The following ZFPM1 variants were observed in gnomAD, a reference collection of about 807,000 sequenced individuals.
The protein encoded by ZFPM1 is zinc finger protein, FOG family member 1, also known as zinc finger protein ZFPM1.
ZFPM1 carries 28 observed loss-of-function variants against 46.3 expected under a neutral mutation model. The observed-to-expected ratio is 0.60, with a 90% CI of 0.45 to 0.83. The LOEUF (loss-of-function observed/expected upper bound fraction) is 0.83. Among genes scored for constraint, ZFPM1 ranks in the 40% least tolerant of loss-of-function variants. The pLI is 0.00. For missense variants in ZFPM1, 1,878 were observed against 1,432.4 expected (o/e 1.31, Z -5.02); for synonymous variants, 957 against 675.9 (o/e 1.42, Z -6.45).
intron 3 of ZFPM1, among the ~76,000 whole-genome samples, chr16:88,511,385 TG>T (rs1264599492): frequency 6.6e-6 from 1 of 152,050 alleles, no homozygotes; most frequent in African/African-American, 2.4e-5. Context: ...GGCTTCCTGG[TG>T]GTGGGGTTGG....
At position 88,534,721 on chromosome 16, in the gene ZFPM1, C is replaced by A. The variant is rs1187693974; in HGVS notation, c.2763C>A (p.Leu921=). 6 of 980,428 alleles carry A rather than the reference C, an allele frequency of 6.1e-6. No individual in the cohort carries two copies. The highest frequency in any genetic ancestry group is 7.3e-6 in the Non-Finnish European group (6 of 827,124). The allele number at this position is 980,428 out of a possible 1,614,324, so 60.7% of individuals were successfully genotyped here. The change falls in exon 10 of 10, where the codon CTC becomes CTA. Residue 921 remains leucine, a synonymous_variant. Transcript: ENST00000319555. ...GGTCCCGTGGCCCCCGGGACGGCCT[C>A]GGCCCGGAGCCCCAGGAGCCGCCGC... ...QPGSRGPRDG[L]GPEPQEPPPG... is the part of the protein sequence containing the mutation.
intron 1 of ZFPM1, among the ~76,000 whole-genome samples, chr16:88,470,552 C>T (rs970146606): frequency 4.4e-5 from 6 of 137,902 alleles, no homozygotes; most frequent in Non-Finnish European, 6.2e-5. Context: ...CGGGTGGTGA[C>T]GCTGAGTGAC....
intron 1 of ZFPM1, among the ~76,000 whole-genome samples, chr16:88,477,278 G>A (rs112911098): frequency 4.9e-4 from 75 of 152,358 alleles, no homozygotes; most frequent in African/African-American, 1.7e-3. Context: ...AGAAGGGCAC[G>A]GGGAAGGTGG....
chr16:88,515,113 G>A (rs1911216408), intron 4 of ZFPM1, among the ~76,000 whole-genome samples: 1 of 152,218 alleles, frequency 6.6e-6, no homozygotes, highest in Non-Finnish European at 1.5e-5. Flanking sequence ...AGTCAGTTCG[G>A]TTTCCTCCGA....
rs1913180916 is a variant in ZFPM1, at chr16:88,535,038, C to T, written c.*59C>T. The T allele has an allele frequency of 7.4e-7, 1 of 1,350,538 alleles. No individual in the cohort carries two copies. Among genetic ancestry groups the T allele is most frequent in the Admixed American group, 2.8e-5 (1 of 35,504 alleles). The allele number at this position is 1,350,538 out of a possible 1,614,324, so 83.7% of individuals were successfully genotyped here. ...CCCCGCTGCGATGCGGGGAGGGGGC[C>T]GCCCCCAGGCCGCACGGACTGCCGC... is the stretch of plus-strand genomic sequence containing the variant. On this transcript the variant is annotated 3_prime_UTR_variant, in exon 10 of 10. Transcript: ENST00000319555.
At position 88,488,115 on chromosome 16, in the gene ZFPM1, G is replaced by A. The variant is rs373071187; in HGVS notation, c.146-916G>A. 1.2e-3 allele frequency among the ~76,000 whole-genome samples: 186 copies of A among 152,328 alleles called. 1 individual carries two copies. The East Asian group carries it at 0.017, about 14-fold the overall frequency. On this transcript the variant is annotated intron_variant, in intron 2 of 9. Coordinates refer to ENST00000319555, the MANE Select transcript of ZFPM1 (RefSeq NM_153813.3). ...AGCACGTGTAGCACATGTGGACTCC[G>A]AGGCCCTTGGCTGTCACCGCCGCCA... is the stretch of plus-strand genomic sequence containing the variant.
chr16:88,475,516 G>GGT (rs1555523501), intron 1 of ZFPM1, among the ~76,000 whole-genome samples: 1 of 151,978 alleles, frequency 6.6e-6, no homozygotes, highest in African/African-American at 2.4e-5. Context: ...AGGGGTCCGG[G>GGT]GGGGGGAGCA....
chr16:88,475,520 G>A (rs571443062), intron 1 of ZFPM1, among the ~76,000 whole-genome samples: 1 of 152,144 alleles, frequency 6.6e-6, no homozygotes, highest in South Asian at 2.1e-4. Context: ...GTCCGGGGGG[G>A]GGAGCACAGC....
intron 1 of ZFPM1, among the ~76,000 whole-genome samples, chr16:88,454,408 A>G (rs1282900646): frequency 3.9e-5 from 6 of 152,148 alleles, no homozygotes; most frequent in Non-Finnish European, 8.8e-5. Context: ...TGTCCCAGCC[A>G]AGGCGGCATG....
At chr16:88,479,176 G>A (rs1456351724) in intron 1 of ZFPM1, among the ~76,000 whole-genome samples, 1 of 152,190 alleles carries the variant, frequency 6.6e-6, no homozygotes, top group African/African-American at 2.4e-5. Flanking sequence ...TGAGTCCCGA[G>A]TCCCAACCGC....
chr16:88,519,517 T>C (rs1312701411), intron 4 of ZFPM1, among the ~76,000 whole-genome samples: 2 of 148,152 alleles, frequency 1.3e-5, no homozygotes, highest in African/African-American at 5.0e-5. Flanking sequence ...GGTAGATAGA[T>C]GAATGGATGA....
Position 88,534,772 on chromosome 16 carries a change from C to G in ZFPM1, c.2814C>G (p.Ala938=). ...CCGGCCCGCCCCCGTCCCCGGCCGC[C>G]GCGCCCGAGGCCGTGCCGCCCCCGC... ...PPPGPPPSPA[A]APEAVPPPPA... is the part of the protein sequence containing the mutation. The change falls in exon 10 of 10, where the codon GCC becomes GCG. Residue 938 remains alanine (A), a synonymous_variant. Coordinates refer to ENST00000319555, the MANE Select transcript of ZFPM1 (RefSeq NM_153813.3). The G allele has an allele frequency of 6.7e-6, 8 of 1,189,932 alleles. No homozygotes were observed. The highest frequency in any genetic ancestry group is 8.3e-6 in the Non-Finnish European group (8 of 959,860). 73.7% of individuals were successfully genotyped at this position (1,189,932 alleles called of 1,614,324 possible).
rs549857267 is a variant in ZFPM1 at position 88,501,294 on chromosome 16, C to G, written c.268+12141C>G. 3.9e-4 allele frequency among the ~76,000 whole-genome samples: 49 copies of G among 127,030 alleles called. 3 individuals are homozygous for G. The highest frequency in any genetic ancestry group is 1.4e-3 in the African/African-American group (46 of 33,140). The allele number at this position is 127,030 out of a possible 152,430, so 83.3% of individuals were successfully genotyped here. A position where few individuals can be genotyped will look rare whatever the true frequency, so the allele number is the denominator to read the frequency against. Reference sequence around the variant, plus strand: ...AGTGGGCCTGGGTGCGGGGGCCCTCCCGCAGGTGCTGGTGATGATGGAGAT... The same window carrying G: ...AGTGGGCCTGGGTGCGGGGGCCCTCGCGCAGGTGCTGGTGATGATGGAGAT... On this transcript the variant is annotated intron_variant, in intron 3 of 9. Transcript: ENST00000319555.
In ZFPM1 at chr16:88,502,063, CCCATT is replaced by C. The variant is rs1399116574; in HGVS notation, c.269-12323_269-12319del. 1.6e-5 allele frequency among the ~76,000 whole-genome samples: 2 copies of C among 127,990 alleles called. 1 individual carries two copies. The highest frequency in any genetic ancestry group is 3.4e-5 in the Non-Finnish European group (2 of 59,148). The allele number at this position is 127,990 out of a possible 152,430, so 84.0% of individuals were successfully genotyped here. On this transcript the variant is annotated intron_variant, in intron 3 of 9. Transcript: ENST00000319555. ...CCCGACGCGGCTCCACCCGCCCCCC[CCCATT>C]TATTTATTTATTTATTTATTTATTT...
At chr16:88,531,771 C>A (rs1277261175) in intron 6 of ZFPM1, among the ~76,000 whole-genome samples, 3 of 152,210 alleles carry the variant, frequency 2.0e-5, no homozygotes, top group Non-Finnish European at 4.4e-5. Flanking sequence ...TAGGGGTTCA[C>A]TCAGACCCCA....
rs776020338 is a variant in ZFPM1, at chr16:88,526,777, G to A, written c.403-37G>A. 47 of 1,532,620 alleles carry A rather than the reference G, an allele frequency of 3.1e-5. No individual in the cohort carries two copies. The East Asian group carries it at 4.9e-4, about 16-fold the overall frequency. 94.9% of individuals were successfully genotyped at this position (1,532,620 alleles called of 1,614,324 possible). ...GGGAACCCCCAGGCAGGCTGCTGAC[G>A]GACCCCTCCCCACGTGTTCCTACCC... On this transcript the variant is annotated intron_variant, in intron 4 of 9. Transcript: ENST00000319555.
At chr16:88,475,207 TC>T (rs1231486623) in intron 1 of ZFPM1, among the ~76,000 whole-genome samples, 2 of 152,152 alleles carry the variant, frequency 1.3e-5, no homozygotes. Context: ...AGGTGGACGC[TC>T]CCGTGGGGTG....
At chr16:88,519,821 T>G (rs1911683626) in intron 4 of ZFPM1, among the ~76,000 whole-genome samples, 1 of 148,596 alleles carries the variant, frequency 6.7e-6, no homozygotes, top group Non-Finnish European at 1.5e-5. Context: ...GGTGGATGAA[T>G]GGATGGACAG....
intron 1 of ZFPM1, among the ~76,000 whole-genome samples, chr16:88,459,386 G>A (rs1045819127): frequency 3.9e-5 from 6 of 152,204 alleles, no homozygotes; most frequent in Non-Finnish European, 7.4e-5. Flanking sequence ...CTATGGGCAA[G>A]GCCTACCCAT....
Sources: gnomAD v4.1 joint callset for allele counts (sites outside exome capture counted in the v4.1 genomes callset) on GRCh38, gnomAD v4.1.1 for gene constraint, MANE v1.5 for transcripts, NCBI Gene and HGNC (gene_info 2026-07-23, HGNC 2026-07-21) for gene names.